Variants in ETHE1 observed in about 807,000 individuals in gnomAD.
ETHE1 encodes the protein persulfide dioxygenase ETHE1, mitochondrial.
In ETHE1, 16 loss-of-function variants were observed where a neutral mutation model predicts 25.7. The observed-to-expected ratio is 0.62, with a 90% CI of 0.42 to 0.95. ETHE1 has a LOEUF of 0.95. Ranked by LOEUF, ETHE1 falls within the 40% of genes least tolerant of loss-of-function variation. ETHE1 has a pLI of 0.00. For synonymous variants in ETHE1, 139 were observed against 135.9 expected, an observed-to-expected ratio of 1.02 and a Z score of -0.16; for missense variants, 300 against 333.6, an observed-to-expected ratio of 0.90 and a Z score of 0.79.
chr19:43,510,760 C>T (rs796152961), intron 4 of ETHE1, among the ~76,000 whole-genome samples: 15 of 152,132 alleles, frequency 9.9e-5, no homozygotes, highest in South Asian at 4.1e-4. Context: ...CAGCTAAGCC[C>T]CTGAATCTAA....
At chr19:43,524,423 G>GA (rs1057471723) in intron 3 of ETHE1, among the ~76,000 whole-genome samples, 1 of 151,396 alleles carries the variant, frequency 6.6e-6, no homozygotes, top group African/African-American at 2.4e-5. Context: ...GCCTAAGGCT[G>GA]AGGGGGGAAA....
In ETHE1 at chr19:43,508,482, G is replaced by C. The variant is rs1028365551; in HGVS notation, c.595+293C>G. On this transcript the variant is annotated intron_variant, in intron 5 of 6. Coordinates refer to ENST00000292147, the MANE Select transcript of ETHE1 (RefSeq NM_014297.5). ...TCTACCACAGCCTCCCAAGTAGCTG[G>C]CAGCATGCCACCATGCCTGGCTAAT... 1.7e-4 allele frequency among the ~76,000 whole-genome samples: 26 copies of C among 151,678 alleles called. 1 individual carries two copies. Among genetic ancestry groups the C allele is most frequent in the Non-Finnish European group, 3.2e-4 (22 of 67,996 alleles).
intron 4 of ETHE1, among the ~76,000 whole-genome samples, chr19:43,509,093 G>C (rs1035637241): frequency 1.3e-5 from 2 of 152,182 alleles, no homozygotes; most frequent in Non-Finnish European, 2.9e-5. Context: ...CTGTAAATAG[G>C]GTTGGAATGA....
At chr19:43,521,670 TAAA>T (rs780192720) in intron 3 of ETHE1, among the ~76,000 whole-genome samples, 1 of 131,848 alleles carries the variant, frequency 7.6e-6, no homozygotes, top group Non-Finnish European at 1.6e-5. Context: ...ACTCTGTCTC[TAAA>T]AAAAAAAAAA....
chr19:43,512,969 G>A (rs1203863879), intron 3 of ETHE1, among the ~76,000 whole-genome samples: 1 of 152,230 alleles, frequency 6.6e-6, no homozygotes, highest in Non-Finnish European at 1.5e-5. Flanking sequence ...CTCAGGACTT[G>A]GTGCCCTGCA....
chr19:43,514,467 A>G (rs1599995954), intron 3 of ETHE1, among the ~76,000 whole-genome samples: 1 of 143,190 alleles, frequency 7.0e-6, no homozygotes, highest in Non-Finnish European at 1.5e-5. Flanking sequence ...TTTATAAATG[A>G]CCCAGTCTTG....
chr19:43,513,179 G>C (rs985263389), intron 3 of ETHE1, among the ~76,000 whole-genome samples: 11 of 152,192 alleles, frequency 7.2e-5, no homozygotes, highest in African/African-American at 2.7e-4. Context: ...TGCTGCAGGG[G>C]TGAAGCCTTC....
chr19:43,507,255 C>T (rs1318348329), intron 6 of ETHE1, among the ~76,000 whole-genome samples: 1 of 131,478 alleles, frequency 7.6e-6, no homozygotes, highest in Non-Finnish European at 1.6e-5. Flanking sequence ...CCCCTCCTCC[C>T]TCAGACTCAG....
At chr19:43,523,226 T>C (rs10420249) in intron 3 of ETHE1, among the ~76,000 whole-genome samples, 12,650 of 152,180 alleles carry the variant, frequency 0.083, 714 homozygotes, top group Admixed American at 0.14. Context: ...ACATGTATAA[T>C]ATGTGGACTC....
At chr19:43,510,890 T>C (rs1971901610) in intron 4 of ETHE1, among the ~76,000 whole-genome samples, 1 of 152,162 alleles carries the variant, frequency 6.6e-6, no homozygotes, top group East Asian at 1.9e-4. Context: ...TCATCTGTAG[T>C]TACAGCCACT....
At chr19:43,517,877 G>A (rs1483583284) in intron 3 of ETHE1, among the ~76,000 whole-genome samples, 1 of 151,814 alleles carries the variant, frequency 6.6e-6, no homozygotes, top group African/African-American at 2.4e-5. Context: ...TTGAACTTGG[G>A]AGGCAGAGGT....
intron 4 of ETHE1, among the ~76,000 whole-genome samples, chr19:43,510,129 C>A (rs948348234): frequency 6.6e-6 from 1 of 152,130 alleles, no homozygotes; most frequent in Non-Finnish European, 1.5e-5. Flanking sequence ...CACCTCTCCC[C>A]ACAAGACAGC....
At chr19:43,518,511 C>T (rs34977009) in intron 3 of ETHE1, among the ~76,000 whole-genome samples, 25,795 of 151,646 alleles carry the variant, frequency 0.17, 2,252 homozygotes, top group Non-Finnish European at 0.19. Context: ...CTTTGGGAGG[C>T]CGAGACGGGC....
Position 43,527,190 on chromosome 19 carries a change from G to C in ETHE1, c.-13C>G, listed in dbSNP as rs1972273230. The C allele has an allele frequency of 6.5e-7, 1 of 1,536,168 alleles. No homozygotes were observed. Among genetic ancestry groups the C allele is most frequent in the Admixed American group, 2.0e-5 (1 of 50,962 alleles). ...CAGCCTCCGCCATCGCGCCCACTGC[G>C]GGGTCAGGAATGAGCGGAGGCCGAG... On this transcript the variant is annotated 5_prime_UTR_variant, in exon 1 of 7. Transcript: ENST00000292147.
At chr19:43,526,823 T>C in intron 1 of ETHE1, 164 bp from the exon 2 acceptor site, 1 of 1,503,258 alleles carries the variant, frequency 6.7e-7, no homozygotes, top group Non-Finnish European at 8.9e-7. Flanking sequence ...CCTTCCCCTA[T>C]CAGAACAAAA....
In ETHE1 at chr19:43,508,835, G is replaced by T. The variant is rs370182416; in HGVS notation, c.535C>A (p.His179Asn). 1.9e-6 allele frequency: 3 copies of T among 1,608,218 alleles called. No individual in the cohort carries two copies. Among genetic ancestry groups the T allele is most frequent in the Middle Eastern group, 1.7e-4 (1 of 6,040 alleles). ...GCAKTLYHSVHEKIFTLPGDC... is the reference protein window; with the variant it reads ...GCAKTLYHSVNEKIFTLPGDC... The stretch of plus-strand genomic sequence containing the variant: ...CCTGGAAGTGTGAAGATCTTTTCAT[G>T]GACCGAGTGGTACAAGGTCTTGGCA... The change falls in exon 5 of 7, where the codon CAT (histidine) becomes AAT (asparagine). Residue 179 changes from histidine to asparagine, a missense_variant. Coordinates refer to ENST00000292147, the MANE Select transcript of ETHE1 (RefSeq NM_014297.5).
At chr19:43,515,199 C>T (rs933948539) in intron 3 of ETHE1, among the ~76,000 whole-genome samples, 2 of 151,952 alleles carry the variant, frequency 1.3e-5, no homozygotes, top group Non-Finnish European at 2.9e-5. Context: ...GGCAAATCAC[C>T]TGAGGTCAGG....
intron 3 of ETHE1, among the ~76,000 whole-genome samples, chr19:43,517,264 G>A (rs918414525): frequency 6.8e-6 from 1 of 147,836 alleles, no homozygotes; most frequent in African/African-American, 2.5e-5. Context: ...TGTTAGATGA[G>A]TTTGCCCAAC....
At chr19:43,521,303 T>C (rs2599456) in intron 3 of ETHE1, among the ~76,000 whole-genome samples, 103,644 of 151,884 alleles carry the variant, frequency 0.68, 35,335 homozygotes, top group East Asian at 0.73. Flanking sequence ...CTAGCCTGGG[T>C]GACAGAGTGA....
Sources: allele counts gnomAD v4.1 joint callset (sites outside exome capture counted in the v4.1 genomes callset), GRCh38; gene constraint gnomAD v4.1.1; transcripts MANE v1.5; gene names NCBI Gene and HGNC (gene_info 2026-07-23, HGNC 2026-07-21).